The following STK33 variants were observed in gnomAD, a reference collection of about 807,000 sequenced individuals.
The protein encoded by STK33 is serine/threonine kinase 33.
STK33 carries 52 observed loss-of-function variants against 58.0 expected under a neutral mutation model. The observed-to-expected ratio is 0.90, with a 90% CI of 0.72 to 1.13. The LOEUF is 1.13. Ranked by LOEUF, STK33 falls within the 50% of genes most tolerant of loss-of-function variation. STK33 has a pLI of 0.00. For missense variants in STK33, 630 were observed against 604.2 expected (o/e 1.04, Z -0.45); for synonymous variants, 215 against 200.1 (o/e 1.07, Z -0.63).
At chr11:8,409,315 G>T (rs1939803526) in intron 15 of STK33, among the ~76,000 whole-genome samples, 1 of 152,156 alleles carries the variant, frequency 6.6e-6, no homozygotes, top group Non-Finnish European at 1.5e-5. Context: ...GTGGCTTTCT[G>T]CAGGCATGCT....
At chr11:8,392,828 G>A in intron 15 of STK33, 118 bp from the exon 16 acceptor site, 2 of 864,328 alleles carry the variant, frequency 2.3e-6, no homozygotes, top group East Asian at 5.2e-5. Flanking sequence ...CTAGATATAG[G>A]GTCCAAACTA....
At chr11:8,355,000 T>A in the STK33 span, among the ~76,000 whole-genome samples, 4 of 152,262 alleles carry the variant, frequency 2.6e-5, no homozygotes, top group Non-Finnish European at 2.9e-5. Flanking sequence ...GCAAAGCTGC[T>A]GGAGCTGCCT....
the STK33 span, among the ~76,000 whole-genome samples, chr11:8,353,475 C>T: frequency 9.9e-5 from 15 of 152,240 alleles, no homozygotes; most frequent in African/African-American, 3.1e-4. Context: ...CACACAGCTC[C>T]GTTTCTAGTT....
chr11:8,373,136 C>T, the STK33 span, among the ~76,000 whole-genome samples: 4 of 152,156 alleles, frequency 2.6e-5, no homozygotes, highest in African/African-American at 4.8e-5. Context: ...TCTCACCCTC[C>T]GGGAGGCTGG....
chr11:8,564,487 A>C (rs1460092957), intron 1 of STK33, among the ~76,000 whole-genome samples: 1 of 152,226 alleles, frequency 6.6e-6, no homozygotes, highest in Non-Finnish European at 1.5e-5. Flanking sequence ...AATAAATCAA[A>C]GTTTCACCCA....
the STK33 span, among the ~76,000 whole-genome samples, chr11:8,374,866 C>T: frequency 6.6e-6 from 1 of 152,184 alleles, no homozygotes; most frequent in Admixed American, 6.5e-5. Flanking sequence ...CTTCCACCAG[C>T]CCACCTCTCC....
At chr11:8,590,319 T>C (rs1479586469) in intron 1 of STK33, among the ~76,000 whole-genome samples, 1 of 152,190 alleles carries the variant, frequency 6.6e-6, no homozygotes, top group Non-Finnish European at 1.5e-5. Context: ...AGTAAACATA[T>C]AATACAATAT....
intron 2 of STK33, among the ~76,000 whole-genome samples, chr11:8,479,951 A>G (rs528823700): frequency 6.6e-6 from 1 of 152,336 alleles, no homozygotes; most frequent in South Asian, 2.1e-4. Context: ...TTGAGTGTTG[A>G]TTTTGTGGAA....
chr11:8,571,904 TTTAAA>T, intron 1 of STK33, among the ~76,000 whole-genome samples: 1 of 148,572 alleles, frequency 6.7e-6, no homozygotes, highest in Non-Finnish European at 1.5e-5. Flanking sequence ...TTTAAAAAAA[TTTAAA>T]TTAAAATTAA....
At chr11:8,522,807 C>T (rs1248153672) in intron 1 of STK33, among the ~76,000 whole-genome samples, 1 of 152,150 alleles carries the variant, frequency 6.6e-6, no homozygotes, top group Non-Finnish European at 1.5e-5. Flanking sequence ...CCCTCTCCCT[C>T]GTCTCCCCTT....
the STK33 span, among the ~76,000 whole-genome samples, chr11:8,371,091 T>C: frequency 6.6e-6 from 1 of 152,028 alleles, no homozygotes; most frequent in East Asian, 1.9e-4. Flanking sequence ...GGAGGAACCA[T>C]GAAGGAACGT....
chr11:8,361,586 C>T, the STK33 span, among the ~76,000 whole-genome samples: 9 of 152,116 alleles, frequency 5.9e-5, 1 homozygote, highest in East Asian at 1.7e-3. The surrounding 1 kb of genome is among the most constrained non-coding windows in gnomAD (Gnocchi z 4.8). Flanking sequence ...ACTGGTCTCT[C>T]CTCCCCTCTG....
rs539209591 is a variant in STK33, at chr11:8,457,975, A to C, written c.559-496T>G. 7.2e-5 allele frequency among the ~76,000 whole-genome samples: 11 copies of C among 152,312 alleles called. No homozygotes were observed. The South Asian group carries it at 2.3e-3, about 32-fold the overall frequency. ...GAGAACAATGAAGTGGTGAGGAGTG[A>C]GGCTAGAAAGAACAGGTTGGGGCCA... On this transcript the variant is annotated intron_variant, in intron 8 of 15. Transcript: ENST00000687296.
intron 1 of STK33, among the ~76,000 whole-genome samples, chr11:8,546,103 G>A (rs977580148): frequency 2.0e-5 from 3 of 152,308 alleles, no homozygotes; most frequent in African/African-American, 7.2e-5. Context: ...TGATACACCT[G>A]TATAGGGCGC....
chr11:8,581,751 A>C (rs1033891992), intron 1 of STK33, among the ~76,000 whole-genome samples: 3 of 152,276 alleles, frequency 2.0e-5, no homozygotes, highest in Non-Finnish European at 4.4e-5. Context: ...AATGAGCAAA[A>C]GCTAAATGCA....
intron 11 of STK33, 120 bp downstream of exon 11, chr11:8,452,702 G>T: frequency 2.6e-6 from 2 of 770,366 alleles, no homozygotes; most frequent in East Asian, 2.5e-5. Flanking sequence ...GTGGGGGGAT[G>T]GCTTGAGCCC....
intron 1 of STK33, among the ~76,000 whole-genome samples, chr11:8,489,981 C>G (rs1336240533): frequency 2.6e-5 from 4 of 152,104 alleles, no homozygotes; most frequent in Non-Finnish European, 5.9e-5. Flanking sequence ...CAGCTCTGGT[C>G]TACAGCTCCC....
chr11:8,589,374 G>T (rs987505732), intron 1 of STK33, among the ~76,000 whole-genome samples: 6 of 152,258 alleles, frequency 3.9e-5, no homozygotes, highest in Middle Eastern at 3.4e-3. Context: ...AATGAACTTT[G>T]AAAACATCAT....
chr11:8,583,380 A>G (rs2030795402), intron 1 of STK33, among the ~76,000 whole-genome samples: 1 of 152,214 alleles, frequency 6.6e-6, no homozygotes, highest in South Asian at 2.1e-4. Flanking sequence ...AAATTCCACA[A>G]ATTATTGATA....
Sources: allele counts gnomAD v4.1 joint callset (sites outside exome capture counted in the v4.1 genomes callset), GRCh38; gene constraint gnomAD v4.1.1; non-coding constraint Gnocchi (gnomAD v3.1); transcripts MANE v1.5; gene names NCBI Gene and HGNC (gene_info 2026-07-23, HGNC 2026-07-21).